IQGAP2: variants seen among roughly 807,000 people sequenced by gnomAD.
The protein encoded by IQGAP2 is IQ motif containing GTPase activating protein 2, also known as ras GTPase-activating-like protein IQGAP2.
In IQGAP2, 173 loss-of-function variants were observed where a neutral mutation model predicts 201.3. The observed-to-expected ratio is 0.86, with a 90% CI of 0.76 to 0.98. IQGAP2 has a LOEUF of 0.98. IQGAP2 is among the 50% of genes least tolerant of loss of function. The pLI, the probability that IQGAP2 is intolerant of heterozygous loss-of-function variation, is 0.00. For synonymous variants in IQGAP2, 675 were observed against 673.9 expected (o/e 1.00, Z -0.03); for missense variants, 1,687 against 1,864.8 (o/e 0.90, Z 1.76).
intron 5 of IQGAP2, among the ~76,000 whole-genome samples, chr5:76,583,559 T>C (rs1279283620): frequency 1.3e-5 from 2 of 152,224 alleles, no homozygotes; most frequent in Non-Finnish European, 2.9e-5. Context: ...CTTTACCTGA[T>C]CAATATTAGC....
At chr5:76,591,976 A>G (rs975441552) in intron 8 of IQGAP2, among the ~76,000 whole-genome samples, 24 of 151,414 alleles carry the variant, frequency 1.6e-4, no homozygotes, top group African/African-American at 5.8e-4. Flanking sequence ...TCTGCTGCCT[A>G]CTCTTGTTGG....
chr5:76,522,704 C>G (rs1300236465), intron 2 of IQGAP2, among the ~76,000 whole-genome samples: 1 of 152,106 alleles, frequency 6.6e-6, no homozygotes, highest in Non-Finnish European at 1.5e-5. Flanking sequence ...AAGCTTTACT[C>G]CTATGTACCT....
At chr5:76,420,760 C>G (rs1353625336) in intron 1 of IQGAP2, among the ~76,000 whole-genome samples, 1 of 152,210 alleles carries the variant, frequency 6.6e-6, no homozygotes, top group East Asian at 1.9e-4. Flanking sequence ...CACTGGATAA[C>G]CACCATTCTA....
chr5:76,467,619 G>A (rs1754850758), intron 2 of IQGAP2, among the ~76,000 whole-genome samples: 1 of 152,152 alleles, frequency 6.6e-6, no homozygotes, highest in Non-Finnish European at 1.5e-5. Flanking sequence ...ATATGACCCA[G>A]CAATTATCCT....
chr5:76,603,130 A>G (rs1747544760), intron 11 of IQGAP2, among the ~76,000 whole-genome samples: 1 of 152,090 alleles, frequency 6.6e-6, no homozygotes, highest in Non-Finnish European at 1.5e-5. Context: ...CCCTACTCGT[A>G]TTTTGTGCTT....
At chr5:76,465,987 A>G (rs555038167) in intron 2 of IQGAP2, among the ~76,000 whole-genome samples, 16 of 152,190 alleles carry the variant, frequency 1.1e-4, no homozygotes, top group Admixed American at 2.6e-4. Flanking sequence ...GTTTCTAGAA[A>G]TATTCCCAGC....
chr5:76,597,344 T>A, intron 9 of IQGAP2, 95 bp from the exon 10 acceptor site: 1 of 1,261,118 alleles, frequency 7.9e-7, no homozygotes, highest in Non-Finnish European at 1.1e-6. Context: ...GAAAAGTAAC[T>A]GCTTAGGTTC....
chr5:76,707,307 A>C lies in IQGAP2; in HGVS notation c.4722A>C (p.Gly1574=). 5 of 1,373,134 alleles carry C rather than the reference A, an allele frequency of 3.6e-6. No individual in the cohort carries two copies. The highest frequency in any genetic ancestry group is 5.2e-6 in the Non-Finnish European group (5 of 961,690). 85.1% of individuals were successfully genotyped at this position (1,373,134 alleles called of 1,614,324 possible). ...ACCTGCTGAACAAGAAGTTCTATGGAAAGTGAAGTGCCTACAGAAATTTCT... is the reference window on the plus strand; with the variant it reads ...ACCTGCTGAACAAGAAGTTCTATGGCAAGTGAAGTGCCTACAGAAATTTCT... ...LIYLLNKKFY[G]K is the part of the protein sequence containing the mutation. Residue 1574 remains glycine (G), a synonymous_variant, in exon 36 of 36, where the codon GGA becomes GGC. Coordinates refer to ENST00000274364, the MANE Select transcript of IQGAP2 (RefSeq NM_006633.5).
intron 1 of IQGAP2, among the ~76,000 whole-genome samples, chr5:76,446,112 T>C (rs1250035356): frequency 1.3e-5 from 2 of 152,232 alleles, no homozygotes; most frequent in African/African-American, 4.8e-5. Flanking sequence ...GAGTTGCTTC[T>C]TCCTTTTGGC....
At chr5:76,560,324 T>G (rs1408931995) in intron 2 of IQGAP2, among the ~76,000 whole-genome samples, 1 of 151,070 alleles carries the variant, frequency 6.6e-6, no homozygotes, top group African/African-American at 2.4e-5. Flanking sequence ...GGCTCTTTTT[T>G]TTTTTTTTTT....
At chr5:76,551,460 G>A (rs575012573) in intron 2 of IQGAP2, among the ~76,000 whole-genome samples, 4 of 152,184 alleles carry the variant, frequency 2.6e-5, no homozygotes, top group South Asian at 2.1e-4. Context: ...GGTGGCGGCC[G>A]GGCAGAGGCT....
At position 76,673,072 on chromosome 5, in the gene IQGAP2, ATAAT is replaced by A. The variant is rs1744495292; in HGVS notation, c.3069-371_3069-368del. 3.3e-5 allele frequency among the ~76,000 whole-genome samples: 5 copies of A among 152,022 alleles called. No homozygotes were observed. The South Asian group carries it at 1.0e-3, about 32-fold the overall frequency. The stretch of plus-strand genomic sequence containing the variant: ...AAGTATAATAATAATAAAATAAAAA[ATAAT>A]TAATTTAAAAAAAAGAAAAGAAAAT... On this transcript the variant is annotated intron_variant, in intron 24 of 35. Coordinates refer to ENST00000274364, the MANE Select transcript of IQGAP2 (RefSeq NM_006633.5).
intron 12 of IQGAP2, chr5:76,607,565 G>A (rs781484116): frequency 1.3e-5 from 2 of 152,138 alleles, no homozygotes; most frequent in African/African-American, 4.8e-5. Flanking sequence ...AAGTCTCTGC[G>A]GTGAGACGGC....
At chr5:76,579,723 G>T (rs1745711934) in intron 5 of IQGAP2, among the ~76,000 whole-genome samples, 1 of 151,968 alleles carries the variant, frequency 6.6e-6, no homozygotes, top group South Asian at 2.1e-4. Context: ...ACAAGGGATT[G>T]ACTGTACCCA....
At chr5:76,528,111 G>A (rs1362757704) in intron 2 of IQGAP2, among the ~76,000 whole-genome samples, 3 of 152,200 alleles carry the variant, frequency 2.0e-5, no homozygotes, top group Admixed American at 6.5e-5. Flanking sequence ...GATCTTGGGC[G>A]CCATTAAGAT....
At chr5:76,546,938 C>T (rs1743135520) in intron 2 of IQGAP2, among the ~76,000 whole-genome samples, 1 of 152,028 alleles carries the variant, frequency 6.6e-6, no homozygotes, top group South Asian at 2.1e-4. Flanking sequence ...CTTTTTTTCT[C>T]TTCTTGGTGA....
At chr5:76,410,260 G>A (rs1751036339) in intron 1 of IQGAP2, among the ~76,000 whole-genome samples, 1 of 152,206 alleles carries the variant, frequency 6.6e-6, no homozygotes, top group Non-Finnish European at 1.5e-5. Context: ...AGGAAGGTCA[G>A]AGGAAAACCT....
At chr5:76,491,379 TGA>T (rs925292961) in intron 2 of IQGAP2, among the ~76,000 whole-genome samples, 70 of 152,228 alleles carry the variant, frequency 4.6e-4, no homozygotes, top group African/African-American at 1.7e-3. Context: ...GATGTTTCTG[TGA>T]GTTGTGCTAA....
chr5:76,562,591 G>A (rs778199427), intron 3 of IQGAP2, 39 bp downstream of exon 3: 8 of 1,566,676 alleles, frequency 5.1e-6, no homozygotes, highest in Non-Finnish European at 7.0e-6. Flanking sequence ...CCAGCTAAAA[G>A]TGAAAGTTTG....
Sources: gnomAD v4.1 joint callset for allele counts (sites outside exome capture counted in the v4.1 genomes callset) on GRCh38, gnomAD v4.1.1 for gene constraint, MANE v1.5 for transcripts, NCBI Gene and HGNC (gene_info 2026-07-23, HGNC 2026-07-21) for gene names.